The following LAMC2 variants were observed in gnomAD, a reference collection of about 807,000 sequenced individuals.
LAMC2 encodes the protein laminin subunit gamma 2, also known as laminin subunit gamma-2.
Under a neutral mutation model 140.2 loss-of-function variants are expected in LAMC2, and 97 were observed. The ratio of observed to expected loss-of-function variants is 0.69; its 90% CI spans 0.59 to 0.82. The LOEUF (loss-of-function observed/expected upper bound fraction) is 0.82, where lower values mean the gene tolerates loss of function less well. Ranked by LOEUF, LAMC2 falls within the 40% of genes least tolerant of loss-of-function variation. The pLI is 0.00. For missense variants in LAMC2, 1,402 were observed against 1,476.1 expected, an observed-to-expected ratio of 0.95 and a Z score of 0.82; for synonymous variants, 513 against 540.2, an observed-to-expected ratio of 0.95 and a Z score of 0.70.
rs184582855 is a variant in LAMC2, at chr1:183,236,713, C to T, written c.2601+109C>T. On this transcript the variant is annotated intron_variant, in intron 17 of 22. Transcript: ENST00000264144. ...CATTCAGCTTTTTCTCCATGTTGAC[C>T]ATTTCTGTTTTAGAGTGGGAAGAGT... The T allele has an allele frequency of 1.9e-4, 257 of 1,329,160 alleles. 2 individuals carry two copies. In the African/African-American group the frequency reaches 3.4e-3, roughly 18 times the overall value. The allele number at this position is 1,329,160 out of a possible 1,614,324, so 82.3% of individuals were successfully genotyped here.
At chr1:183,236,021 C>T (rs1659951276) in intron 16 of LAMC2, among the ~76,000 whole-genome samples, 1 of 152,074 alleles carries the variant, frequency 6.6e-6, no homozygotes, top group African/African-American at 2.4e-5. Flanking sequence ...CATCTGATGG[C>T]ATGGGGAGAT....
chr1:183,221,653 C>A (rs184419238), intron 5 of LAMC2, among the ~76,000 whole-genome samples: 3 of 151,460 alleles, frequency 2.0e-5, no homozygotes, highest in African/African-American at 7.3e-5. Context: ...GGCGTGAACC[C>A]GGGAGGCGGA....
At position 183,208,122 on chromosome 1, in the gene LAMC2, A is replaced by G. The variant is rs113949287; in HGVS notation, c.268+53A>G. On this transcript the variant is annotated intron_variant, in intron 2 of 22. Coordinates refer to ENST00000264144, the MANE Select transcript of LAMC2 (RefSeq NM_005562.3). ...AGGGAGATGGAGCAGTGGGGAGACA[A>G]GAGGGAAGGAAGGAAGGAGGAAAAG... 6,601 of 1,465,242 alleles carry G rather than the reference A, an allele frequency of 4.5e-3. 262 individuals carry two copies. The African/African-American group carries it at 0.08, about 18-fold the overall frequency. The allele number at this position is 1,465,242 out of a possible 1,614,324, so 90.8% of individuals were successfully genotyped here. A position where few individuals can be genotyped will look rare whatever the true frequency, so the allele number is the denominator to read the frequency against.
chr1:183,216,809 G>A (rs898682854), intron 3 of LAMC2, among the ~76,000 whole-genome samples: 1 of 152,180 alleles, frequency 6.6e-6, no homozygotes, highest in Non-Finnish European at 1.5e-5. Context: ...CCCCATGCCT[G>A]GAGTGGGAAG....
Position 183,227,642 on chromosome 1 carries a change from A to G in LAMC2, c.1413A>G (p.Ser471=), listed in dbSNP as rs1355582447. Residue 471 remains serine (S), a synonymous_variant, in exon 10 of 23, where the codon TCA becomes TCG. Coordinates refer to ENST00000264144, the MANE Select transcript of LAMC2 (RefSeq NM_005562.3). ...CCTGTCATAACGGGTTCAGCTGCTCAGTGATGCCGGAGACGGAGGAGGTGG... is the reference window on the plus strand; with the variant it reads ...CCTGTCATAACGGGTTCAGCTGCTCGGTGATGCCGGAGACGGAGGAGGTGG... ...PCPCHNGFSC[S]VMPETEEVVC... is the part of the protein sequence containing the mutation. 1.2e-6 allele frequency: 2 copies of G among 1,614,196 alleles called. No individual in the cohort carries two copies. The highest frequency in any genetic ancestry group is 1.1e-5 in the South Asian group (1 of 91,088).
chr1:183,236,236 A>AT (rs954366759), intron 16 of LAMC2, among the ~76,000 whole-genome samples: 8 of 151,698 alleles, frequency 5.3e-5, no homozygotes, highest in Non-Finnish European at 1.2e-4. Flanking sequence ...TTAAAAAAAA[A>AT]GGGGGGGCCA....
At chr1:183,186,472 G>A (rs1452243049) in intron 1 of LAMC2, 41 bp downstream of exon 1, 2 of 1,593,836 alleles carry the variant, frequency 1.3e-6, no homozygotes, top group Non-Finnish European at 1.7e-6. Flanking sequence ...GCCCTGGGCT[G>A]AGAATCTGCC....
chr1:183,215,670 G>C, intron 3 of LAMC2, 82 bp downstream of exon 3: 1 of 1,537,230 alleles, frequency 6.5e-7, no homozygotes, highest in South Asian at 1.1e-5. Flanking sequence ...TGTATTTACT[G>C]AGCCCCTACC....
At chr1:183,186,502 G>A in intron 1 of LAMC2, 71 bp downstream of exon 1, 1 of 1,524,522 alleles carries the variant, frequency 6.6e-7, no homozygotes, top group Non-Finnish European at 8.9e-7. Context: ...AGACCGTGAT[G>A]GCTGAACGTA....
intron 1 of LAMC2, among the ~76,000 whole-genome samples, chr1:183,186,775 T>C (rs745932383): frequency 1.3e-5 from 2 of 152,236 alleles, no homozygotes; most frequent in Non-Finnish European, 2.9e-5. Flanking sequence ...CGTGTGCTTT[T>C]ATTAAAAGGT....
chr1:183,239,668 C>A, intron 20 of LAMC2, 105 bp downstream of exon 20: 2 of 992,508 alleles, frequency 2.0e-6, no homozygotes, highest in Non-Finnish European at 3.0e-6. Flanking sequence ...AGGCTCAGAG[C>A]CCTGTTGTGG....
intron 3 of LAMC2, among the ~76,000 whole-genome samples, chr1:183,216,816 G>T (rs1442710372): frequency 6.6e-6 from 1 of 152,170 alleles, no homozygotes; most frequent in Non-Finnish European, 1.5e-5. Flanking sequence ...CCTGGAGTGG[G>T]AAGAGGCACC....
chr1:183,256,875 C>T, the LAMC2 span, among the ~76,000 whole-genome samples: 1 of 152,046 alleles, frequency 6.6e-6, no homozygotes, highest in Non-Finnish European at 1.5e-5. Flanking sequence ...CCTCAGCCTC[C>T]CAAGTAGCTG....
chr1:183,207,708 G>A lies in LAMC2; in HGVS notation c.80-173G>A, dbSNP rs532830262. 3.9e-5 allele frequency among the ~76,000 whole-genome samples: 6 copies of A among 152,216 alleles called. No individual in the cohort carries two copies. The East Asian group carries it at 1.2e-3, about 29-fold the overall frequency. On this transcript the variant is annotated intron_variant, in intron 1 of 22. Coordinates refer to ENST00000264144, the MANE Select transcript of LAMC2 (RefSeq NM_005562.3). ...TCCTTTAAGTGGAGCAGGCGTCCCC[G>A]GGGTCCCTGCACTGCCAATTGCACT... is the stretch of plus-strand genomic sequence containing the variant.
At chr1:183,255,780 C>T in the LAMC2 span, among the ~76,000 whole-genome samples, 7 of 151,590 alleles carry the variant, frequency 4.6e-5, 1 homozygote, top group South Asian at 1.0e-3. Flanking sequence ...TCTCCTACCT[C>T]GGCCTCCCGA....
At chr1:183,232,367 A>C in intron 13 of LAMC2, 24 bp downstream of exon 13, 1 of 1,612,874 alleles carries the variant, frequency 6.2e-7, no homozygotes, top group African/African-American at 1.3e-5. Flanking sequence ...ACTTCCCTTC[A>C]GACAGAAGAG....
At chr1:183,252,747 C>T in the LAMC2 span, 2 of 1,610,784 alleles carry the variant, frequency 1.2e-6, no homozygotes, top group Non-Finnish European at 1.7e-6. Context: ...GGCCAGCCTG[C>T]ACAAGAAGAG....
chr1:183,193,425 C>G (rs1490886206), intron 1 of LAMC2, among the ~76,000 whole-genome samples: 1 of 152,200 alleles, frequency 6.6e-6, no homozygotes, highest in Non-Finnish European at 1.5e-5. Flanking sequence ...ATTTCTGTCT[C>G]CCTGCTACAG....
At chr1:183,224,628 C>T (rs1659573316) in intron 7 of LAMC2, among the ~76,000 whole-genome samples, 2 of 151,808 alleles carry the variant, frequency 1.3e-5, no homozygotes, top group African/African-American at 2.4e-5. Context: ...CCACAGAACA[C>T]AAACAAAGAA....
Sources: gnomAD v4.1 joint callset for allele counts (sites outside exome capture counted in the v4.1 genomes callset) on GRCh38, gnomAD v4.1.1 for gene constraint, MANE v1.5 for transcripts, NCBI Gene and HGNC (gene_info 2026-07-23, HGNC 2026-07-21) for gene names.